Variants in TOP1MT observed in about 807,000 individuals in gnomAD.
TOP1MT encodes the protein DNA topoisomerase I mitochondrial.
Under a neutral mutation model 73.9 loss-of-function variants are expected in TOP1MT, and 80 were observed. The observed-to-expected ratio is 1.08, with a 90% CI of 0.90 to 1.30. The LOEUF (loss-of-function observed/expected upper bound fraction) is 1.30. Ranked by LOEUF, TOP1MT falls within the 50% of genes most tolerant of loss-of-function variation. The pLI, the probability that TOP1MT is intolerant of heterozygous loss-of-function variation, is 0.00. For synonymous variants in TOP1MT, 338 were observed against 326.4 expected (o/e 1.04, Z -0.38); for missense variants, 815 against 808.0 (o/e 1.01, Z -0.10).
intron 1 of TOP1MT, among the ~76,000 whole-genome samples, chr8:143,351,842 G>A (rs1157703230): frequency 2.0e-5 from 3 of 152,122 alleles, no homozygotes; most frequent in East Asian, 1.9e-4. Flanking sequence ...CCAGCACTTC[G>A]GGAGGCCGAG....
chr8:143,337,650 G>A, upstream of TOP1MT, among the ~76,000 whole-genome samples: 1 of 152,170 alleles, frequency 6.6e-6, no homozygotes, highest in Admixed American at 6.5e-5. Context: ...CTGTACTAAA[G>A]ATTTTTAAAT....
chr8:143,309,996 A>G, intron 13 of TOP1MT, 72 bp downstream of exon 13: 1 of 1,597,826 alleles, frequency 6.3e-7, no homozygotes, highest in Admixed American at 1.7e-5. Context: ...GCTGGGACTG[A>G]ACAGAGGCCT....
intron 5 of TOP1MT, among the ~76,000 whole-genome samples, chr8:143,324,942 G>A (rs1205405288): frequency 2.0e-5 from 3 of 152,166 alleles, no homozygotes; most frequent in Admixed American, 6.5e-5. Context: ...CTGGCCACTG[G>A]GGGTCCTGCA....
At chr8:143,357,093 C>CAA (rs36125491), upstream of TOP1MT, among the ~76,000 whole-genome samples, 191 of 89,586 alleles carry the variant, frequency 2.1e-3, 2 homozygotes, top group African/African-American at 2.7e-3. Flanking sequence ...GACTCCATCT[C>CAA]AAAAAAAAAA....
intron 3 of TOP1MT, among the ~76,000 whole-genome samples, chr8:143,326,860 CAT>C (rs1283982129): frequency 1.3e-5 from 2 of 152,162 alleles, no homozygotes; most frequent in African/African-American, 4.8e-5. Flanking sequence ...AGTTGTAAAT[CAT>C]AGTCACAGCT....
upstream of TOP1MT, among the ~76,000 whole-genome samples, chr8:143,348,600 G>C (rs1460103829): frequency 6.9e-6 from 1 of 145,850 alleles, no homozygotes; most frequent in East Asian, 2.0e-4. The surrounding 1 kb of genome is among the most constrained non-coding windows in gnomAD (Gnocchi z 4.6). Context: ...ACTGAGAGCT[G>C]GGGGGTGGGG....
chr8:143,310,415 C>G (rs1355005034), intron 12 of TOP1MT, 198 bp from the exon 13 acceptor site: 3 of 486,156 alleles, frequency 6.2e-6, no homozygotes, highest in Non-Finnish European at 7.2e-6. Context: ...AAGTCAGATA[C>G]AGAGGAGGGC....
chr8:143,325,307 G>T (rs777066572), intron 5 of TOP1MT, 39 bp downstream of exon 5: 2 of 1,552,912 alleles, frequency 1.3e-6, no homozygotes, highest in Non-Finnish European at 1.7e-6. Context: ...CCGGGTGGCG[G>T]GGGTCCAGTG....
At chr8:143,329,661 C>G (rs761408671) in intron 2 of TOP1MT, among the ~76,000 whole-genome samples, 190 bp from the exon 3 acceptor site, 4 of 152,004 alleles carry the variant, frequency 2.6e-5, no homozygotes, top group Admixed American at 6.5e-5. Flanking sequence ...GAGGTGGCGA[C>G]CACAGTGATC....
At chr8:143,355,339 C>T (rs1364464016) in intron 1 of TOP1MT, 1 of 152,214 alleles carries the variant, frequency 6.6e-6, no homozygotes, top group Non-Finnish European at 1.5e-5. Context: ...CTACTCGCCG[C>T]GAATGGATGC....
chr8:143,314,916 T>C (rs979070478), intron 12 of TOP1MT, among the ~76,000 whole-genome samples: 2 of 152,048 alleles, frequency 1.3e-5, no homozygotes, highest in Admixed American at 6.6e-5. Context: ...TGAGGGGACA[T>C]AGTGAGGAGT....
In TOP1MT at chr8:143,334,752, C is replaced by T. The variant is rs1816946570; in HGVS notation, c.110G>A (p.Gly37Asp). ...TGGGACACCTTACCTGGCTCCACTG[C>T]CCTTCTGCGTCCTGCGCGAGCCCGG... Reference protein sequence around the residue: ...GVPGSRRTQKGSGARWEKEKH... With the variant: ...GVPGSRRTQKDSGARWEKEKH... Residue 37 changes from glycine (G) to aspartate (D), a missense_variant, in exon 1 of 14, where the codon GGC becomes GAC. Physicochemically the swap from Gly to Asp is moderately conservative, Grantham distance 94 (BLOSUM62 -1). This residue lies in a region of TOP1MT where 60 missense variants were observed against 65.9 expected (regional missense o/e 0.91). Transcript: ENST00000329245. 1.2e-6 allele frequency: 2 copies of T among 1,600,328 alleles called. No individual in the cohort carries two copies. Among genetic ancestry groups the T allele is most frequent in the African/African-American group, 2.8e-5 (2 of 72,408 alleles).
At position 143,331,258 on chromosome 8, in the gene TOP1MT, C is replaced by T; in HGVS notation, c.204G>A (p.Glu68=). ...HKGPYFAPPY[E]PLPDGVRFFY... is the part of the protein sequence containing the mutation. ...AGAAACGCACTCCGTCGGGAAGGGG[C>T]TCGTATGGGGGTGCGAAGTACGGGC... Residue 68 remains glutamate, a synonymous_variant, in exon 2 of 14, where the codon GAG becomes GAA. Coordinates refer to ENST00000329245, the MANE Select transcript of TOP1MT (RefSeq NM_052963.3). 6.2e-7 allele frequency: 1 copy of T among 1,611,502 alleles called. No homozygotes were observed. The highest frequency in any genetic ancestry group is 8.5e-7 in the Non-Finnish European group (1 of 1,178,006).
intron 8 of TOP1MT, 129 bp downstream of exon 8, chr8:143,321,072 A>G (rs1047921560): frequency 7.4e-6 from 7 of 942,898 alleles, no homozygotes; most frequent in Non-Finnish European, 1.1e-5. Context: ...GCCCCGGCAC[A>G]GCAGGCCTCA....
upstream of TOP1MT, among the ~76,000 whole-genome samples, chr8:143,357,647 T>G (rs755771544): frequency 5.9e-5 from 9 of 152,036 alleles, no homozygotes; most frequent in Non-Finnish European, 1.2e-4. Context: ...TTAGGCCAAG[T>G]GCGGTGGCTC....
chr8:143,314,887 A>T (rs1269063281), intron 12 of TOP1MT, among the ~76,000 whole-genome samples: 5 of 152,192 alleles, frequency 3.3e-5, no homozygotes, highest in Non-Finnish European at 7.3e-5. Context: ...CCTAGGAAAA[A>T]CCAGGCCATA....
chr8:143,323,798 G>C (rs1325052961), intron 7 of TOP1MT, among the ~76,000 whole-genome samples: 1 of 150,536 alleles, frequency 6.6e-6, no homozygotes, highest in Non-Finnish European at 1.5e-5. Context: ...ACGCACAAGT[G>C]CACACACACC....
chr8:143,355,172 G>A (rs938651910), intron 1 of TOP1MT: 1 of 152,224 alleles, frequency 6.6e-6, no homozygotes, highest in African/African-American at 2.4e-5. Flanking sequence ...TCACCAGAGG[G>A]CAGGTACCGG....
chr8:143,324,603 G>A lies in TOP1MT; in HGVS notation c.698C>T (p.Ala233Val), dbSNP rs149499111. ...GCGCACCTCCTTCCACTGGTGCCCC[G>A]CCGGCGGCTCGGGGATCTTCGAGTC... is the stretch of plus-strand genomic sequence containing the variant. Reference protein sequence around the residue: ...SRDSKIPEPPAGHQWKEVRSD... With the variant: ...SRDSKIPEPPVGHQWKEVRSD... Residue 233 changes from alanine (A) to valine (V), a missense_variant, in exon 6 of 14, where the codon GCG becomes GTG. Ala to Val is a moderately conservative substitution (Grantham distance 64). Transcript: ENST00000329245. 5.3e-4 allele frequency: 857 copies of A among 1,613,478 alleles called. 5 individuals carry two copies. In the South Asian group the frequency reaches 6.0e-3, roughly 11 times the overall value.
Sources: allele counts gnomAD v4.1 joint callset (sites outside exome capture counted in the v4.1 genomes callset), GRCh38; gene constraint gnomAD v4.1.1; regional missense constraint gnomAD v4.1.1; non-coding constraint Gnocchi (gnomAD v3.1); transcripts MANE v1.5; gene names NCBI Gene and HGNC (gene_info 2026-07-23, HGNC 2026-07-21).